SLC5A11: variants seen among roughly 807,000 people sequenced by gnomAD.
SLC5A11 encodes solute carrier family 5 member 11.
A neutral mutation model predicts 69.8 loss-of-function variants in SLC5A11; 48 were observed. The ratio of observed to expected loss-of-function variants is 0.69; its 90% CI spans 0.55 to 0.87. The LOEUF (loss-of-function observed/expected upper bound fraction) is 0.87. Among genes scored for constraint, SLC5A11 ranks in the 40% least tolerant of loss-of-function variants. The pLI is 0.00. For missense variants in SLC5A11, 784 were observed against 866.1 expected (o/e 0.91, Z 1.19); for synonymous variants, 319 against 342.4 (o/e 0.93, Z 0.75).
exon 13 of SLC5A11, chr16:24,907,964 G>A: frequency 1.2e-6 from 2 of 1,614,080 alleles, no homozygotes; most frequent in Non-Finnish European, 1.7e-6. Flanking sequence ...CGGCACCAGG[G>A]TGTTTGTGCT....
rs141509395 is a variant in SLC5A11 at position 24,877,723 on chromosome 16, C to T, written c.583+360C>T. Among the ~76,000 whole-genome samples the T allele has an allele frequency of 2.5e-3, 383 of 152,172 alleles. 4 individuals carry two copies. Among genetic ancestry groups the T allele is most frequent in the African/African-American group, 8.9e-3 (368 of 41,526 alleles). On this transcript the variant is annotated intron_variant, in intron 7 of 15. Coordinates refer to ENST00000347898, the Ensembl canonical transcript of SLC5A11. ...AAATTAGGCCAGGCACGGTGGCTTA[C>T]GCCTGTAATCCCTGCACTTTGGGAG...
rs1384415381 is a variant in SLC5A11, at chr16:24,862,587, T to A, written c.136-14T>A. On this transcript the variant is annotated splice_polypyrimidine_tract_variant and intron_variant, in intron 2 of 15. Transcript: ENST00000347898. ...AACGTCTTCCCTCACCCACCTCTCT[T>A]CTTTTTTTTTCAGTCCACAGTGAAG... 1 of 1,602,076 alleles carries A rather than the reference T, an allele frequency of 6.2e-7. No homozygotes were observed. The highest frequency in any genetic ancestry group is 8.5e-7 in the Non-Finnish European group (1 of 1,171,432).
At chr16:24,856,477 G>A (rs1473912700) in intron 1 of SLC5A11, among the ~76,000 whole-genome samples, 1 of 151,588 alleles carries the variant, frequency 6.6e-6, no homozygotes. Flanking sequence ...AAATAGGCCG[G>A]GCGCAGTGGC....
At chr16:24,884,075 C>T (rs991826030) in exon 8 of SLC5A11, 4 of 1,613,952 alleles carry the variant, frequency 2.5e-6, no homozygotes, top group South Asian at 1.1e-5. Context: ...GTGATCTACA[C>T]GGATGCCCTG....
At chr16:24,862,243 G>A (rs1300574086) in intron 2 of SLC5A11, among the ~76,000 whole-genome samples, 2 of 152,284 alleles carry the variant, frequency 1.3e-5, no homozygotes, top group East Asian at 3.9e-4. Context: ...TGCATATAAA[G>A]TGCTTGGCAC....
intron 9 of SLC5A11, among the ~76,000 whole-genome samples, chr16:24,892,827 A>T (rs2048902846): frequency 6.6e-6 from 1 of 152,110 alleles, no homozygotes; most frequent in African/African-American, 2.4e-5. Flanking sequence ...CCCTCCTTTG[A>T]GCGGAGAGCT....
chr16:24,853,180 C>T (rs2059387816), intron 1 of SLC5A11, among the ~76,000 whole-genome samples: 1 of 151,418 alleles, frequency 6.6e-6, no homozygotes, highest in Non-Finnish European at 1.5e-5. Context: ...GTTTGTTGCA[C>T]TCAGTCCCCA....
intron 1 of SLC5A11, among the ~76,000 whole-genome samples, chr16:24,857,625 G>A (rs1331789057): frequency 2.0e-5 from 3 of 152,064 alleles, no homozygotes; most frequent in South Asian, 2.1e-4. Flanking sequence ...ATCTAACAAC[G>A]TTGAGTGAAA....
intron 2 of SLC5A11, among the ~76,000 whole-genome samples, chr16:24,860,884 T>A (rs1382613316): frequency 6.6e-6 from 1 of 152,040 alleles, no homozygotes; most frequent in Non-Finnish European, 1.5e-5. Flanking sequence ...TTTTTTTGTA[T>A]TTTTAGTAGA....
intron 8 of SLC5A11, among the ~76,000 whole-genome samples, chr16:24,886,264 AC>A (rs1340601038): frequency 2.0e-5 from 3 of 152,018 alleles, no homozygotes; most frequent in African/African-American, 7.2e-5. Context: ...CCATCTCTTG[AC>A]CTCATCTTCT....
At chr16:24,855,876 C>T (rs2152233568) in intron 1 of SLC5A11, among the ~76,000 whole-genome samples, 1 of 152,252 alleles carries the variant, frequency 6.6e-6, no homozygotes, top group South Asian at 2.1e-4. Context: ...TTACAAATTA[C>T]ACAGTCTAAG....
intron 10 of SLC5A11, among the ~76,000 whole-genome samples, chr16:24,903,870 G>A (rs2049827902): frequency 6.6e-6 from 1 of 152,180 alleles, no homozygotes; most frequent in Non-Finnish European, 1.5e-5. Flanking sequence ...CTTTGGATAT[G>A]TATTAATCCA....
At chr16:24,892,326 G>A (rs918168376) in intron 9 of SLC5A11, among the ~76,000 whole-genome samples, 7 of 151,724 alleles carry the variant, frequency 4.6e-5, no homozygotes, top group African/African-American at 9.7e-5. Flanking sequence ...TGTGATTTTT[G>A]GAGGAAGAGT....
rs2050418853 is a variant in SLC5A11 at position 24,910,354 on chromosome 16, GAACA to G, written c.1701_1704del (p.Gln568HisfsTer42). ...TCGTCACGACCCCGTGGTCCAGAAG[GAACA>G]AGCACCACCAGCAGCTCCCTTGTCT... On this transcript the variant is annotated frameshift_variant, in exon 15 of 16. Transcript: ENST00000347898. LOFTEE classifies it high-confidence loss of function. The G allele has an allele frequency of 6.2e-7, 1 of 1,613,898 alleles. No homozygotes were observed. Among genetic ancestry groups the G allele is most frequent in the Non-Finnish European group, 8.5e-7 (1 of 1,180,024 alleles).
intron 6 of SLC5A11, among the ~76,000 whole-genome samples, chr16:24,876,828 G>C (rs1306491490): frequency 6.6e-6 from 1 of 152,196 alleles, no homozygotes; most frequent in African/African-American, 2.4e-5. Context: ...CACATGACTT[G>C]TTGAGAAACA....
intron 9 of SLC5A11, among the ~76,000 whole-genome samples, chr16:24,897,205 T>C (rs274087): frequency 0.24 from 36,869 of 151,810 alleles, 4,630 homozygotes; most frequent in South Asian, 0.42. Flanking sequence ...CCTCCTGCTT[T>C]GGCCTCCCAA....
intron 7 of SLC5A11, among the ~76,000 whole-genome samples, chr16:24,881,564 A>G (rs2048043916): frequency 6.6e-6 from 1 of 152,168 alleles, no homozygotes; most frequent in Non-Finnish European, 1.5e-5. Flanking sequence ...CTGGGATTAC[A>G]GATGTGAACT....
chr16:24,855,795 C>G (rs1192057054), intron 1 of SLC5A11, among the ~76,000 whole-genome samples: 2 of 152,184 alleles, frequency 1.3e-5, no homozygotes, highest in Admixed American at 1.3e-4. Flanking sequence ...CGGGCCCTCA[C>G]CAGACACTGA....
chr16:24,899,156 G>C, intron 10 of SLC5A11, among the ~76,000 whole-genome samples: 1 of 152,116 alleles, frequency 6.6e-6, no homozygotes, highest in Non-Finnish European at 1.5e-5. Flanking sequence ...AGGCATCTCT[G>C]TCTAGGCATC....
Sources: gnomAD v4.1 joint callset for allele counts (sites outside exome capture counted in the v4.1 genomes callset) on GRCh38, gnomAD v4.1.1 for gene constraint, MANE v1.5 for transcripts, NCBI Gene and HGNC (gene_info 2026-07-23, HGNC 2026-07-21) for gene names.